ZMYM4: variants seen among roughly 807,000 people sequenced by gnomAD.
ZMYM4 encodes the protein zinc finger MYM-type protein 4.
A neutral mutation model predicts 183.2 loss-of-function variants in ZMYM4; 31 were observed. The observed-to-expected ratio is 0.17, with a 90% CI of 0.13 to 0.23. The LOEUF is 0.23. ZMYM4 is among the 10% of genes least tolerant of loss of function. ZMYM4 has a pLI of 1.00. For synonymous variants in ZMYM4, 592 were observed against 631.2 expected (o/e 0.94, Z 0.93); for missense variants, 1,273 against 1,840.3 (o/e 0.69, Z 5.64).
At chr1:35,354,474 C>A (rs1245007627) in intron 2 of ZMYM4, among the ~76,000 whole-genome samples, 1 of 151,768 alleles carries the variant, frequency 6.6e-6, no homozygotes, top group African/African-American at 2.4e-5. Context: ...GCCTGTAATC[C>A]CAGCACTTTG....
chr1:35,410,193 T>C (rs1639824822), intron 26 of ZMYM4, among the ~76,000 whole-genome samples: 1 of 152,066 alleles, frequency 6.6e-6, no homozygotes, highest in South Asian at 2.1e-4. Context: ...GAGAATAGCA[T>C]CAAGCCAGTC....
In ZMYM4 at chr1:35,388,985, A is replaced by G; in HGVS notation, c.2339A>G (p.Gln780Arg). 6.2e-7 allele frequency: 1 copy of G among 1,614,188 alleles called. No individual in the cohort carries two copies. The highest frequency in any genetic ancestry group is 8.5e-7 in the Non-Finnish European group (1 of 1,180,016). ...TGTAAAATGTGCAGTTATTGTTTAC[A>G]GACATCTCCCAAATTGGTACAGAAT... ...NHCKMCSYCLQTSPKLVQNNL... is the reference protein window; with the variant it reads ...NHCKMCSYCLRTSPKLVQNNL... The change falls in exon 14 of 30, where the codon CAG (glutamine) becomes CGG (arginine). Residue 780 changes from glutamine to arginine, a missense_variant. Around this residue, in one of 6 missense-constraint regions of ZMYM4, gnomAD observed 319 missense variants for 518.1 expected, o/e 0.62. Transcript: ENST00000314607.
At chr1:35,270,158 T>C (rs1389946073) in intron 1 of ZMYM4, among the ~76,000 whole-genome samples, 2 of 152,192 alleles carry the variant, frequency 1.3e-5, no homozygotes, top group East Asian at 3.8e-4. Context: ...TCCTAGAACC[T>C]ATTTGCAGAT....
intron 7 of ZMYM4, among the ~76,000 whole-genome samples, chr1:35,379,706 G>C (rs1458133730): frequency 1.3e-5 from 2 of 152,218 alleles, no homozygotes; most frequent in Non-Finnish European, 2.9e-5. Flanking sequence ...TTTATAGTGA[G>C]AAATGTGGGA....
chr1:35,385,306 A>G (rs1644552599), intron 9 of ZMYM4, 136 bp from the exon 10 acceptor site: 8 of 926,830 alleles, frequency 8.6e-6, no homozygotes, highest in Non-Finnish European at 1.3e-5. Context: ...GAAACTTCCT[A>G]TTGAGGATTA....
intron 1 of ZMYM4, among the ~76,000 whole-genome samples, chr1:35,313,046 AC>A (rs1031807924): frequency 6.6e-5 from 10 of 152,164 alleles, no homozygotes; most frequent in African/African-American, 2.4e-4. Flanking sequence ...GGCGAGTGCC[AC>A]CACAGCTGGC....
intron 9 of ZMYM4, among the ~76,000 whole-genome samples, chr1:35,382,525 C>T (rs757612230): frequency 4.6e-5 from 7 of 151,350 alleles, no homozygotes; most frequent in Non-Finnish European, 7.4e-5. Context: ...TCACTGCAAC[C>T]TCCACCTCCC....
In ZMYM4 at chr1:35,362,781, C is replaced by T. The variant is rs1203491677; in HGVS notation, c.840+992C>T. On this transcript the variant is annotated intron_variant, in intron 5 of 29. Transcript: ENST00000314607. ...GCAGTGGTGCAATCACTGCTCACTG[C>T]AGCCTCAACCTCCCAGGCTCAAGTG... 2.6e-5 allele frequency among the ~76,000 whole-genome samples: 4 copies of T among 152,166 alleles called. No homozygotes were observed. The East Asian group carries it at 5.8e-4, about 22-fold the overall frequency.
In ZMYM4 at chr1:35,359,324, G is replaced by T. The variant is rs780932796; in HGVS notation, c.485G>T (p.Ser162Ile). 1.2e-6 allele frequency: 2 copies of T among 1,610,952 alleles called. No homozygotes were observed. Among genetic ancestry groups the T allele is most frequent in the Admixed American group, 3.4e-5 (2 of 59,444 alleles). ...RKDFSLVREN[S>I]KETFSGKEKN... ...GATTTTAGTCTAGTAAGAGAAAACA[G>T]CAAAGAGACATTTTCTGGAAAGGAG... The change falls in exon 3 of 30, where the codon AGC (serine) becomes ATC (isoleucine). Residue 162 changes from serine to isoleucine, a missense_variant. Coordinates refer to ENST00000314607, the MANE Select transcript of ZMYM4 (RefSeq NM_005095.3).
At position 35,408,138 on chromosome 1, in the gene ZMYM4, C is replaced by T. The variant is rs138638219; in HGVS notation, c.3927C>T (p.Tyr1309=). 1.2e-6 allele frequency: 2 copies of T among 1,614,172 alleles called. No individual in the cohort carries two copies. Among genetic ancestry groups the T allele is most frequent in the African/African-American group, 2.7e-5 (2 of 75,052 alleles). ...GEKYDPDSIL[Y]LCLGIQQYLF... ...AATATGATCCAGACAGTATCTTATA[C>T]TTGTGCCTTGGAATTCAACAGGTAT... The change falls in exon 26 of 30, where the codon TAC becomes TAT. Residue 1309 remains tyrosine (Y), a synonymous_variant. Coordinates refer to ENST00000314607, the MANE Select transcript of ZMYM4 (RefSeq NM_005095.3).
In ZMYM4 at chr1:35,389,689, A is replaced by G. The variant is rs540923818; in HGVS notation, c.2437-259A>G. On this transcript the variant is annotated intron_variant, in intron 14 of 29. Coordinates refer to ENST00000314607, the MANE Select transcript of ZMYM4 (RefSeq NM_005095.3). This position sits in a 1 kb window ranked among gnomAD's most constrained non-coding sequence, Gnocchi z 4.0. ...AGAATTGCATGAACCCAGGAGGTGG[A>G]GCTTGCAGTGAGCTGAGATCACGCC... 4.4e-4 allele frequency among the ~76,000 whole-genome samples: 67 copies of G among 150,882 alleles called. No homozygotes were observed. The highest frequency in any genetic ancestry group is 1.6e-3 in the African/African-American group (66 of 41,012).
chr1:35,340,353 C>T (rs1036767386), intron 2 of ZMYM4, among the ~76,000 whole-genome samples: 4 of 151,976 alleles, frequency 2.6e-5, no homozygotes, highest in African/African-American at 9.7e-5. Context: ...TGGACCCAGG[C>T]GTCAGAGGGA....
chr1:35,396,885 A>C (rs569820949), intron 19 of ZMYM4, among the ~76,000 whole-genome samples: 1 of 152,304 alleles, frequency 6.6e-6, no homozygotes, highest in East Asian at 1.9e-4. Context: ...GTAGCTTTTT[A>C]AAAAACTTAC....
chr1:35,414,225 G>A (rs1640023865), intron 27 of ZMYM4, 142 bp downstream of exon 27: 1 of 597,606 alleles, frequency 1.7e-6, no homozygotes, highest in Non-Finnish European at 2.9e-6. Flanking sequence ...ACGGTCTTTG[G>A]TTTATTGTTG....
rs770289673 is a variant in ZMYM4 at position 35,328,573 on chromosome 1, G to A, written c.85+3168G>A. ...GGCCTCCCAAAGTGCTGGGATTACA[G>A]GAGTGAGCCACCACACCCAGCCAAC... On this transcript the variant is annotated intron_variant, in intron 2 of 29. Transcript: ENST00000314607. Among the ~76,000 whole-genome samples the A allele has an allele frequency of 9.7e-4, 145 of 149,920 alleles. 1 individual carries two copies. In the Middle Eastern group the frequency reaches 0.041, roughly 43 times the overall value.
intron 5 of ZMYM4, among the ~76,000 whole-genome samples, chr1:35,363,259 C>T (rs1470365781): frequency 6.6e-6 from 1 of 152,112 alleles, no homozygotes; most frequent in African/African-American, 2.4e-5. Context: ...GGTTTACAGA[C>T]GTGAGCCACC....
chr1:35,324,316 CT>C (rs1642416575), intron 1 of ZMYM4, among the ~76,000 whole-genome samples: 1 of 152,106 alleles, frequency 6.6e-6, no homozygotes, highest in Non-Finnish European at 1.5e-5. Flanking sequence ...CCAGGATGGT[CT>C]TGATCTCCTG....
intron 7 of ZMYM4, among the ~76,000 whole-genome samples, chr1:35,376,150 C>G (rs956129531): frequency 6.6e-6 from 1 of 151,578 alleles, no homozygotes; most frequent in Admixed American, 6.6e-5. Flanking sequence ...ACTGTTAGAT[C>G]AGATTCTTGT....
intron 1 of ZMYM4, among the ~76,000 whole-genome samples, chr1:35,301,122 T>C (rs572881820): frequency 6.6e-6 from 1 of 152,368 alleles, no homozygotes; most frequent in South Asian, 2.1e-4. Context: ...TTTTGAGGCT[T>C]ACTTTTAATC....
Sources: allele counts gnomAD v4.1 joint callset (sites outside exome capture counted in the v4.1 genomes callset), GRCh38; gene constraint gnomAD v4.1.1; regional missense constraint gnomAD v4.1.1; non-coding constraint Gnocchi (gnomAD v3.1); transcripts MANE v1.5; gene names NCBI Gene and HGNC (gene_info 2026-07-23, HGNC 2026-07-21).